The following PTTG1 variants were observed in gnomAD, a reference collection of about 807,000 sequenced individuals.
PTTG1 encodes securin.
In PTTG1, 8 loss-of-function variants were observed where a neutral mutation model predicts 20.0. That is an observed-to-expected ratio of 0.40 (90% CI 0.23 to 0.72). The LOEUF is 0.72. Ranked by LOEUF, PTTG1 falls within the 30% of genes least tolerant of loss-of-function variation. PTTG1 has a pLI of 0.38. For missense variants in PTTG1, 197 were observed against 236.0 expected (o/e 0.83, Z 1.08); for synonymous variants, 79 against 87.2 (o/e 0.91, Z 0.52).
intron 4 of PTTG1, among the ~76,000 whole-genome samples, chr5:160,425,229 A>G (rs1374319140): frequency 1.3e-5 from 2 of 152,192 alleles, no homozygotes; most frequent in Non-Finnish European, 2.9e-5. Flanking sequence ...GTATTCTTGA[A>G]ATGATCTTGT....
chr5:160,423,132 T>C (rs1364615891), intron 3 of PTTG1: 1 of 503,104 alleles, frequency 2.0e-6, no homozygotes, highest in Non-Finnish European at 3.6e-6. Context: ...GCCTCACCTG[T>C]CCTTCACTAG....
In PTTG1 at chr5:160,422,907, A is replaced by G. The variant is rs1765743228; in HGVS notation, c.276+14A>G. On this transcript the variant is annotated intron_variant, in intron 3 of 5. Coordinates refer to ENST00000352433, the MANE Select transcript of PTTG1 (RefSeq NM_004219.4). ...TCTGCCAAAAAGGTAAGTGTTGGCT[A>G]TAAAGACACTGTTTAAACACTTAAG... 6.2e-7 allele frequency: 1 copy of G among 1,612,864 alleles called. No homozygotes were observed. Among genetic ancestry groups the G allele is most frequent in the Admixed American group, 1.7e-5 (1 of 59,902 alleles).
chr5:160,428,687 T>C lies in PTTG1; in HGVS notation c.*6T>C, dbSNP rs763661529. On this transcript the variant is annotated 3_prime_UTR_variant, in exon 6 of 6. Transcript: ENST00000352433. ...GCTGTGACATAGATATTTAAATTTC[T>C]TAGTGCTTCAGAGTTTGTGTGTATT... 1 of 1,606,780 alleles carries C rather than the reference T, an allele frequency of 6.2e-7. No individual in the cohort carries two copies. Among genetic ancestry groups the C allele is most frequent in the South Asian group, 1.1e-5 (1 of 90,926 alleles).
At chr5:160,424,139 G>A in intron 3 of PTTG1, 98 bp from the exon 4 acceptor site, 1 of 795,656 alleles carries the variant, frequency 1.3e-6, no homozygotes, top group Non-Finnish European at 2.0e-6. Flanking sequence ...TAAGGATTAT[G>A]GCTTCTTAGA....
chr5:160,422,991 G>A, intron 3 of PTTG1, 98 bp downstream of exon 3: 5 of 1,278,246 alleles, frequency 3.9e-6, no homozygotes, highest in Non-Finnish European at 4.4e-6. Context: ...TTCCCTCTGA[G>A]TAGAAGGGAA....
chr5:160,427,130 A>G (rs1014190075), intron 4 of PTTG1, among the ~76,000 whole-genome samples: 1 of 152,150 alleles, frequency 6.6e-6, no homozygotes, highest in Non-Finnish European at 1.5e-5. Context: ...GTTTTCCTTG[A>G]GGTGATAGAC....
Position 160,422,703 on chromosome 5 carries a change from C to T in PTTG1, c.92-6C>T. The stretch of plus-strand genomic sequence containing the variant: ...GAATATTCTTATGGTAAGACTTTTT[C>T]TTCAGCAATCAAAGCCTTAGATGGG... On this transcript the variant is annotated splice_polypyrimidine_tract_variant and splice_region_variant and intron_variant, in intron 2 of 5. Coordinates refer to ENST00000352433, the MANE Select transcript of PTTG1 (RefSeq NM_004219.4). 6.2e-7 allele frequency: 1 copy of T among 1,613,956 alleles called. No individual in the cohort carries two copies. The highest frequency in any genetic ancestry group is 8.5e-7 in the Non-Finnish European group (1 of 1,179,890).
In PTTG1 at chr5:160,427,874, G is replaced by A. The variant is rs1467889326; in HGVS notation, c.529+1G>A. On this transcript the variant is annotated splice_donor_variant, in intron 5 of 5. Coordinates refer to ENST00000352433, the MANE Select transcript of PTTG1 (RefSeq NM_004219.4). LOFTEE classifies it high-confidence loss of function. ...ATGCCCTCTCCACCATGGGAATCCA[G>A]TAAGTGAGCAAGTGCCCTTCTGGAA... is the stretch of plus-strand genomic sequence containing the variant. 2 of 1,614,072 alleles carry A rather than the reference G, an allele frequency of 1.2e-6. No homozygotes were observed. Among genetic ancestry groups the A allele is most frequent in the South Asian group, 1.1e-5 (1 of 91,084 alleles).
chr5:160,424,128 C>G, intron 3 of PTTG1, 109 bp from the exon 4 acceptor site: 1 of 730,256 alleles, frequency 1.4e-6, no homozygotes, highest in Non-Finnish European at 2.3e-6. Context: ...ATTATGAAAA[C>G]TAAGGATTAT....
intron 4 of PTTG1, 179 bp downstream of exon 4, chr5:160,424,509 G>C (rs1765774314): frequency 3.6e-6 from 2 of 548,942 alleles, no homozygotes; most frequent in South Asian, 4.7e-5. Flanking sequence ...ATCATCTTAG[G>C]TCAGGAGGGG....
chr5:160,425,737 C>G (rs1765793651), intron 4 of PTTG1, among the ~76,000 whole-genome samples: 1 of 151,216 alleles, frequency 6.6e-6, no homozygotes, highest in African/African-American at 2.5e-5. Context: ...AGTCTTCTGT[C>G]TATGGTTTCC....
At chr5:160,422,614 GT>G in intron 2 of PTTG1, 94 bp from the exon 3 acceptor site, 2 of 1,444,286 alleles carry the variant, frequency 1.4e-6, no homozygotes, top group Non-Finnish European at 1.9e-6. Context: ...TGGGGGGTGG[GT>G]TTGGGGGTGA....
In PTTG1 at chr5:160,427,704, C is replaced by G. The variant is rs561528753; in HGVS notation, c.371-11C>G. On this transcript the variant is annotated splice_polypyrimidine_tract_variant and intron_variant, in intron 4 of 5. Coordinates refer to ENST00000352433, the MANE Select transcript of PTTG1 (RefSeq NM_004219.4). ...TGCTGCCCTGACAAAAACGCTTTCT[C>G]TCTGTAACAGACTTTGAGAGTTTTG... The G allele has an allele frequency of 1.4e-5, 22 of 1,613,150 alleles. No individual in the cohort carries two copies. In the Admixed American group the frequency reaches 2.7e-4, roughly 20 times the overall value.
intron 3 of PTTG1, among the ~76,000 whole-genome samples, chr5:160,423,801 C>G (rs1402177084): frequency 6.6e-6 from 1 of 152,190 alleles, no homozygotes; most frequent in African/African-American, 2.4e-5. Context: ...CTTGCTGCCT[C>G]TTACTCAGTG....
Position 160,424,350 on chromosome 5 carries a change from C to T in PTTG1, c.370+20C>T, listed in dbSNP as rs1452027125. On this transcript the variant is annotated intron_variant, in intron 4 of 5. Coordinates refer to ENST00000352433, the MANE Select transcript of PTTG1 (RefSeq NM_004219.4). Reference sequence around the variant, plus strand: ...CTCTAGGTAGTATCTTTTGCAATTGCGAAAAGTGCTTTTGGCCTTTAGTTT... The same window carrying T: ...CTCTAGGTAGTATCTTTTGCAATTGTGAAAAGTGCTTTTGGCCTTTAGTTT... 1.2e-5 allele frequency: 18 copies of T among 1,531,108 alleles called. No homozygotes were observed. Among genetic ancestry groups the T allele is most frequent in the South Asian group, 5.7e-5 (5 of 87,092 alleles). The allele number at this position is 1,531,108 out of a possible 1,614,324, so 94.8% of individuals were successfully genotyped here.
At position 160,428,649 on chromosome 5, in the gene PTTG1, T is replaced by C; in HGVS notation, c.577T>C (p.Leu193=). The C allele has an allele frequency of 1.9e-6, 3 of 1,614,052 alleles. No homozygotes were observed. Among genetic ancestry groups the C allele is most frequent in the Non-Finnish European group, 2.5e-6 (3 of 1,179,898 alleles). ...SSILSTLDVE[L]PPVCCDIDI ...CATTCTGTCGACCCTGGATGTTGAA[T>C]TGCCACCTGTTTGCTGTGACATAGA... Residue 193 remains leucine, a synonymous_variant, in exon 6 of 6, where the codon TTG becomes CTG. Coordinates refer to ENST00000352433, the MANE Select transcript of PTTG1 (RefSeq NM_004219.4).
chr5:160,426,748 A>G (rs866568843), intron 4 of PTTG1, among the ~76,000 whole-genome samples: 24 of 149,402 alleles, frequency 1.6e-4, no homozygotes, highest in African/African-American at 5.9e-4. Context: ...AAGTTTTCCA[A>G]AATTCCTTTT....
chr5:160,428,730 C>CTT lies in PTTG1; in HGVS notation c.*51_*52dup, dbSNP rs1439050580. On this transcript the variant is annotated 3_prime_UTR_variant, in exon 6 of 6. Coordinates refer to ENST00000352433, the MANE Select transcript of PTTG1 (RefSeq NM_004219.4). ...TGTGTATTTGTATTAATAAAGCATT[C>CTT]TTTAACAGATTCTTCCTAGTATTGT... 1.3e-6 allele frequency: 2 copies of CTT among 1,513,066 alleles called. No individual in the cohort carries two copies. Among genetic ancestry groups the CTT allele is most frequent in the Non-Finnish European group, 1.8e-6 (2 of 1,090,604 alleles). 93.7% of individuals were successfully genotyped at this position (1,513,066 alleles called of 1,614,324 possible).
Position 160,422,477 on chromosome 5 carries a change from TA to T in PTTG1, c.91+75del. The stretch of plus-strand genomic sequence containing the variant: ...CTGGAGCTGGACGAGACATTTAGTG[TA>T]CTTTTTGGGCAATTGGAGTCGTTTG... On this transcript the variant is annotated intron_variant, in intron 2 of 5. Transcript: ENST00000352433. 3 of 1,364,668 alleles carry T rather than the reference TA, an allele frequency of 2.2e-6. No homozygotes were observed. In the South Asian group the frequency reaches 3.5e-5, roughly 16 times the overall value. The allele number at this position is 1,364,668 out of a possible 1,614,324, so 84.5% of individuals were successfully genotyped here. A position where few individuals can be genotyped will look rare whatever the true frequency, so the allele number is the denominator to read the frequency against.
Sources: allele counts gnomAD v4.1 joint callset (sites outside exome capture counted in the v4.1 genomes callset), GRCh38; gene constraint gnomAD v4.1.1; transcripts MANE v1.5; gene names NCBI Gene and HGNC (gene_info 2026-07-23, HGNC 2026-07-21).